IDO2: variants seen among roughly 807,000 people sequenced by gnomAD.
IDO2 encodes the protein indoleamine 2,3-dioxygenase 2.
In IDO2, 46 loss-of-function variants were observed where a neutral mutation model predicts 45.1. That is an observed-to-expected ratio of 1.02 (90% CI 0.80 to 1.30). The LOEUF (loss-of-function observed/expected upper bound fraction) is 1.30. IDO2 is among the 50% of genes most tolerant of loss of function. The probability of loss-of-function intolerance (pLI) is 0.00; values close to 1 mark genes in which losing one functional copy is unlikely to be tolerated. For synonymous variants in IDO2, 218 were observed against 184.9 expected (o/e 1.18, Z -1.45); for missense variants, 544 against 491.8 (o/e 1.11, Z -1.00).
exon 11 of IDO2, chr8:40,015,777 G>C: frequency 1.7e-6 from 1 of 595,996 alleles, no homozygotes; most frequent in East Asian, 2.8e-5. Flanking sequence ...ACAAAGGAGA[G>C]TTGATGTGGC....
At chr8:39,940,597 ACT>A (rs1257325971) in intron 1 of IDO2, among the ~76,000 whole-genome samples, 1 of 151,988 alleles carries the variant, frequency 6.6e-6, no homozygotes, top group African/African-American at 2.4e-5. Flanking sequence ...AACATTCAAA[ACT>A]CTCTCTTCTA....
At chr8:39,958,067 G>A (rs544730753) in intron 2 of IDO2, among the ~76,000 whole-genome samples, 3 of 149,146 alleles carry the variant, frequency 2.0e-5, no homozygotes, top group Non-Finnish European at 4.4e-5. Context: ...CACCATGCCC[G>A]GCTCATTTTT....
rs1164861820 is a variant in IDO2 at position 39,949,151 on chromosome 8, A to G, written c.-15A>G. Reference sequence around the variant, plus strand: ...CTTCAGTGACACTTTCCATGCAGATACTTCAAACAAAATAATGGAGCCCCA... The same window carrying G: ...CTTCAGTGACACTTTCCATGCAGATGCTTCAAACAAAATAATGGAGCCCCA... On this transcript the variant is annotated splice_region_variant and 5_prime_UTR_variant, in exon 2 of 11. It adds an upstream start codon to the 5' untranslated region. Transcript: ENST00000502986. 1 of 1,600,450 alleles carries G rather than the reference A, an allele frequency of 6.2e-7. No homozygotes were observed. The highest frequency in any genetic ancestry group is 1.1e-5 in the South Asian group (1 of 88,622).
chr8:39,967,566 G>A (rs989680969), intron 3 of IDO2, among the ~76,000 whole-genome samples: 3 of 152,088 alleles, frequency 2.0e-5, no homozygotes, highest in African/African-American at 7.2e-5. Flanking sequence ...TCGACTCACT[G>A]CAACCTCTGC....
chr8:39,989,578 C>T, intron 7 of IDO2, 143 bp from the exon 8 acceptor site: 1 of 586,234 alleles, frequency 1.7e-6, no homozygotes, highest in Non-Finnish European at 3.0e-6. Flanking sequence ...GCCAACCCCA[C>T]AGTGGATCTA....
intron 2 of IDO2, among the ~76,000 whole-genome samples, chr8:39,954,300 A>G (rs1807857230): frequency 6.6e-6 from 1 of 152,106 alleles, no homozygotes; most frequent in Non-Finnish European, 1.5e-5. Context: ...CCCCCTATTC[A>G]ACTCACAAAT....
chr8:39,945,755 C>A lies in IDO2; in HGVS notation c.-17-3394C>A, dbSNP rs147160483. Among the ~76,000 whole-genome samples the A allele has an allele frequency of 6.6e-5, 10 of 152,254 alleles. No individual in the cohort carries two copies. In the East Asian group the frequency reaches 1.7e-3, roughly 26 times the overall value. ...CAGTTGGTTGAAGAGCTTAGGATTTCATTTATATCTCTCATCACTAATCTG... is the reference window on the plus strand; with the variant it reads ...CAGTTGGTTGAAGAGCTTAGGATTTAATTTATATCTCTCATCACTAATCTG... On this transcript the variant is annotated intron_variant, in intron 1 of 10. Transcript: ENST00000502986.
chr8:40,011,136 C>G (rs1256165770), intron 9 of IDO2, among the ~76,000 whole-genome samples: 1 of 152,154 alleles, frequency 6.6e-6, no homozygotes, highest in Non-Finnish European at 1.5e-5. Context: ...GTGTCAAACT[C>G]CTGACCTCAA....
chr8:39,956,340 G>T (rs1436413928), intron 2 of IDO2, among the ~76,000 whole-genome samples: 1 of 152,112 alleles, frequency 6.6e-6, no homozygotes, highest in Non-Finnish European at 1.5e-5. Context: ...GGGATTACAG[G>T]CATGAGCCAC....
At chr8:39,963,784 C>A in intron 3 of IDO2, 81 bp downstream of exon 3, 2 of 801,920 alleles carry the variant, frequency 2.5e-6, no homozygotes, top group South Asian at 1.7e-5. Flanking sequence ...GGAAGTGTGT[C>A]AATTGTCCTG....
chr8:39,957,300 C>A (rs1337237316), intron 2 of IDO2, among the ~76,000 whole-genome samples: 1 of 152,010 alleles, frequency 6.6e-6, no homozygotes, highest in Non-Finnish European at 1.5e-5. Flanking sequence ...CTGTTCATAG[C>A]AGTCAAGTGA....
At chr8:40,009,607 G>A (rs1202796637) in intron 9 of IDO2, among the ~76,000 whole-genome samples, 1 of 152,132 alleles carries the variant, frequency 6.6e-6, no homozygotes, top group African/African-American at 2.4e-5. Context: ...GAGAATGTAT[G>A]GGAGCAATAA....
At chr8:39,995,202 TCC>T in intron 8 of IDO2, 1 of 61,584 alleles carries the variant, frequency 1.6e-5, no homozygotes, top group African/African-American at 9.7e-5. Context: ...CTTCTTCTTC[TCC>T]TTCTCCTTCT....
intron 3 of IDO2, among the ~76,000 whole-genome samples, chr8:39,978,848 G>A (rs1373991162): frequency 6.6e-6 from 1 of 152,144 alleles, no homozygotes; most frequent in Admixed American, 6.5e-5. Flanking sequence ...GGGCGGTTAG[G>A]TTCTTCCTGA....
At chr8:39,935,210 A>G (rs1807527241) in exon 1 of IDO2, 3 of 1,613,292 alleles carry the variant, frequency 1.9e-6, no homozygotes, top group Admixed American at 1.7e-5. Context: ...TTGCATTTTC[A>G]TTATTATGGT....
intron 3 of IDO2, among the ~76,000 whole-genome samples, chr8:39,978,207 G>T (rs894824259): frequency 6.6e-6 from 1 of 152,202 alleles, no homozygotes; most frequent in African/African-American, 2.4e-5. Context: ...CTGTGCCCAC[G>T]TGGCGGTGCC....
chr8:39,954,919 A>T (rs549033088), intron 2 of IDO2, among the ~76,000 whole-genome samples: 5 of 151,642 alleles, frequency 3.3e-5, no homozygotes, highest in Non-Finnish European at 7.4e-5. Context: ...GGCCTCTCAA[A>T]GTGCTAGGAT....
intron 4 of IDO2, among the ~76,000 whole-genome samples, chr8:39,980,854 A>G (rs1173930302): frequency 6.6e-6 from 1 of 151,258 alleles, no homozygotes; most frequent in East Asian, 1.9e-4. Context: ...GGTCCAAGGG[A>G]TTCTCCTGAC....
At chr8:40,004,532 TA>T (rs1268640594) in intron 8 of IDO2, among the ~76,000 whole-genome samples, 34 of 132,948 alleles carry the variant, frequency 2.6e-4, no homozygotes, top group Non-Finnish European at 1.7e-4. Flanking sequence ...AGATGATAGA[TA>T]GATAGATAGA....
Sources: allele counts gnomAD v4.1 joint callset (sites outside exome capture counted in the v4.1 genomes callset), GRCh38; gene constraint gnomAD v4.1.1; transcripts MANE v1.5; gene names NCBI Gene and HGNC (gene_info 2026-07-23, HGNC 2026-07-21).